MARCHF1: variants seen among roughly 807,000 people sequenced by gnomAD.
The protein encoded by MARCHF1 is E3 ubiquitin-protein ligase MARCHF1.
A neutral mutation model predicts 54.2 loss-of-function variants in MARCHF1; 40 were observed. That is an observed-to-expected ratio of 0.74 (90% CI 0.57 to 0.96). The LOEUF is 0.96. Ranked by LOEUF, MARCHF1 falls within the 40% of genes least tolerant of loss-of-function variation. The probability of loss-of-function intolerance (pLI) is 0.00; values close to 1 mark genes in which losing one functional copy is unlikely to be tolerated. For synonymous variants in MARCHF1, 236 were observed against 236.3 expected, an observed-to-expected ratio of 1.00 and a Z score of 0.01; for missense variants, 586 against 656.5, an observed-to-expected ratio of 0.89 and a Z score of 1.17.
chr4:164,337,543 T>G (rs1173167465), intron 1 of MARCHF1, among the ~76,000 whole-genome samples: 2 of 152,018 alleles, frequency 1.3e-5, no homozygotes, highest in African/African-American at 2.4e-5. Flanking sequence ...GCTAAGAGAG[T>G]CTGGGAGCAG....
intron 1 of MARCHF1, among the ~76,000 whole-genome samples, chr4:164,259,157 A>G (rs1341291722): frequency 6.6e-6 from 1 of 152,170 alleles, no homozygotes; most frequent in Admixed American, 6.6e-5. Flanking sequence ...TCTATGCTGT[A>G]GAGGCAGATC....
intron 2 of MARCHF1, among the ~76,000 whole-genome samples, chr4:163,997,003 T>C (rs1445624906): frequency 1.3e-5 from 2 of 152,026 alleles, no homozygotes; most frequent in Non-Finnish European, 2.9e-5. Flanking sequence ...ACAGCAGTCT[T>C]AGGAAACTAA....
intron 1 of MARCHF1, among the ~76,000 whole-genome samples, chr4:164,253,423 A>G (rs1488006717): frequency 1.3e-5 from 2 of 152,178 alleles, no homozygotes; most frequent in African/African-American, 4.8e-5. Flanking sequence ...AGCTCAATGA[A>G]TTAATAAAAT....
chr4:163,602,388 A>T (rs148439756), intron 7 of MARCHF1, among the ~76,000 whole-genome samples: 3 of 152,228 alleles, frequency 2.0e-5, no homozygotes, highest in Non-Finnish European at 4.4e-5. Flanking sequence ...TGCAAAGCAC[A>T]TATCATTTTT....
chr4:163,745,273 G>T (rs1195431516), intron 4 of MARCHF1, among the ~76,000 whole-genome samples: 1 of 151,744 alleles, frequency 6.6e-6, no homozygotes, highest in Non-Finnish European at 1.5e-5. Flanking sequence ...CACCACACCT[G>T]GCTATTTTTT....
At chr4:163,539,625 T>C (rs1738660552) in intron 9 of MARCHF1, among the ~76,000 whole-genome samples, 1 of 152,182 alleles carries the variant, frequency 6.6e-6, no homozygotes, top group Non-Finnish European at 1.5e-5. Flanking sequence ...TAAGCTTCTC[T>C]CCAGAATCAC....
intron 2 of MARCHF1, among the ~76,000 whole-genome samples, chr4:164,072,222 T>TA (rs1754882151): frequency 6.6e-6 from 1 of 152,170 alleles, no homozygotes; most frequent in Non-Finnish European, 1.5e-5. Flanking sequence ...ATAACAAATA[T>TA]AAAAAACATT....
At chr4:164,211,723 C>T (rs2111120131) in intron 1 of MARCHF1, among the ~76,000 whole-genome samples, 1 of 151,954 alleles carries the variant, frequency 6.6e-6, no homozygotes, top group Non-Finnish European at 1.5e-5. Flanking sequence ...TTAGAAGAAT[C>T]AGTGTGGTAA....
At chr4:163,630,078 T>C (rs1333014872) in intron 5 of MARCHF1, among the ~76,000 whole-genome samples, 1 of 152,216 alleles carries the variant, frequency 6.6e-6, no homozygotes, top group Non-Finnish European at 1.5e-5. Flanking sequence ...ATCATTCTTT[T>C]ATATACTTAC....
chr4:163,636,212 C>T (rs1399872835), intron 5 of MARCHF1, among the ~76,000 whole-genome samples: 1 of 151,904 alleles, frequency 6.6e-6, no homozygotes, highest in Non-Finnish European at 1.5e-5. Context: ...TCTCACCACC[C>T]CTATTCAACA....
chr4:163,859,591 C>T (rs1030992675), intron 3 of MARCHF1, among the ~76,000 whole-genome samples: 2 of 152,056 alleles, frequency 1.3e-5, no homozygotes, highest in African/African-American at 4.8e-5. Context: ...GAACTCCTAA[C>T]CTCAGGTGAT....
intron 3 of MARCHF1, among the ~76,000 whole-genome samples, chr4:163,950,943 A>C (rs1171470269): frequency 3.3e-5 from 5 of 152,254 alleles, no homozygotes; most frequent in Non-Finnish European, 5.9e-5. Context: ...AAAGCAACTT[A>C]ATAATTTAGA....
At chr4:163,613,555 CA>C (rs1443015262) in intron 5 of MARCHF1, 162 bp from the exon 6 acceptor site, 1 of 1,538,534 alleles carries the variant, frequency 6.5e-7, no homozygotes, top group Non-Finnish European at 8.7e-7. Context: ...GTTGGTTTTG[CA>C]AAAGTAAAAC....
chr4:163,661,869 A>G (rs903659300), intron 5 of MARCHF1, among the ~76,000 whole-genome samples: 1 of 152,084 alleles, frequency 6.6e-6, no homozygotes, highest in Admixed American at 6.6e-5. Context: ...ATCTAATTAC[A>G]TAGCGTAGGA....
intron 1 of MARCHF1, among the ~76,000 whole-genome samples, chr4:164,358,570 C>T (rs1730629944): frequency 6.6e-6 from 1 of 152,100 alleles, no homozygotes; most frequent in Non-Finnish European, 1.5e-5. Flanking sequence ...GTGACATACA[C>T]AGAATGAAGA....
intron 5 of MARCHF1, among the ~76,000 whole-genome samples, chr4:163,685,806 C>G (rs1408503226): frequency 6.6e-6 from 1 of 152,104 alleles, no homozygotes. Flanking sequence ...AGTATTGGTC[C>G]TACATAATCT....
chr4:164,168,717 C>G (rs141692133), intron 1 of MARCHF1, among the ~76,000 whole-genome samples: 1 of 151,108 alleles, frequency 6.6e-6, no homozygotes, highest in Non-Finnish European at 1.5e-5. Flanking sequence ...TACAGTTGAC[C>G]CTTGAGCAAT....
At chr4:164,097,293 T>C (rs1232323927) in intron 2 of MARCHF1, among the ~76,000 whole-genome samples, 2 of 152,194 alleles carry the variant, frequency 1.3e-5, no homozygotes, top group African/African-American at 2.4e-5. Context: ...ATGGGTTCCA[T>C]GAATAGACTT....
chr4:164,008,040 T>G (rs1464144171), intron 2 of MARCHF1, among the ~76,000 whole-genome samples: 3 of 152,146 alleles, frequency 2.0e-5, no homozygotes, highest in Non-Finnish European at 4.4e-5. Context: ...ATATAGTGGC[T>G]GAACGAATTT....
Sources: allele counts gnomAD v4.1 joint callset (sites outside exome capture counted in the v4.1 genomes callset), GRCh38; gene constraint gnomAD v4.1.1; transcripts MANE v1.5; gene names NCBI Gene and HGNC (gene_info 2026-07-23, HGNC 2026-07-21).